MLPH: variants seen among roughly 807,000 people sequenced by gnomAD.
MLPH encodes the protein melanophilin.
MLPH carries 51 observed loss-of-function variants against 72.1 expected under a neutral mutation model. The ratio of observed to expected loss-of-function variants is 0.71; its 90% CI spans 0.56 to 0.89. The LOEUF is 0.89. MLPH is among the 40% of genes least tolerant of loss of function. The probability of loss-of-function intolerance (pLI) is 0.00; values close to 1 mark genes in which losing one functional copy is unlikely to be tolerated. For missense variants in MLPH, 743 were observed against 759.9 expected, an observed-to-expected ratio of 0.98 and a Z score of 0.26; for synonymous variants, 301 against 310.1, an observed-to-expected ratio of 0.97 and a Z score of 0.31.
intron 12 of MLPH, chr2:237,545,804 G>A: frequency 3.5e-6 from 1 of 289,798 alleles, no homozygotes; most frequent in Non-Finnish European, 5.8e-6. Flanking sequence ...CTAAATTTCA[G>A]ATCAACAACT....
chr2:237,548,739 C>T (rs953348080), intron 13 of MLPH, among the ~76,000 whole-genome samples: 18 of 152,150 alleles, frequency 1.2e-4, no homozygotes, highest in African/African-American at 3.6e-4. Flanking sequence ...ATTAGCCGGG[C>T]GTGGTGGCGG....
intron 4 of MLPH, 104 bp downstream of exon 4, chr2:237,511,205 C>CAT: frequency 1.2e-6 from 1 of 855,186 alleles, no homozygotes; most frequent in East Asian, 2.5e-5. Flanking sequence ...TGTGTGTGTG[C>CAT]ATGTGTGTGT....
chr2:237,493,533 T>C lies in MLPH; in HGVS notation c.107T>C (p.Leu36Pro). The C allele has an allele frequency of 1.2e-6, 2 of 1,612,488 alleles. No individual in the cohort carries two copies. The highest frequency in any genetic ancestry group is 1.7e-6 in the Non-Finnish European group (2 of 1,178,704). Residue 36 changes from leucine to proline, a missense_variant, in exon 2 of 16, where the codon CTA becomes CCA. Transcript: ENST00000264605. Reference protein sequence around the residue: ...FDLRRKEEERLEALKGKIKKE... With the variant: ...FDLRRKEEERPEALKGKIKKE... ...CTCCGAAGGAAAGAAGAGGAACGGC[T>C]AGAGTGAGTGTGCCGTGCTGAGCCC...
intron 12 of MLPH, among the ~76,000 whole-genome samples, chr2:237,546,120 T>C (rs899804646): frequency 6.6e-6 from 1 of 152,158 alleles, no homozygotes; most frequent in African/African-American, 2.4e-5. Flanking sequence ...GGCTTCCTGG[T>C]TGTAGTAGAT....
chr2:237,496,579 T>C (rs1431351474), intron 2 of MLPH, among the ~76,000 whole-genome samples: 3 of 152,258 alleles, frequency 2.0e-5, no homozygotes, highest in African/African-American at 7.2e-5. Context: ...ATATGGGTTC[T>C]GATGACCCTG....
intron 6 of MLPH, among the ~76,000 whole-genome samples, chr2:237,521,294 G>A (rs75234700): frequency 0.017 from 2,582 of 152,220 alleles, 45 homozygotes; most frequent in South Asian, 0.067. Context: ...ATGGGCTTGC[G>A]GTATCCATGA....
rs1402001509 is a variant in MLPH, at chr2:237,518,664, C to G, written c.555+16C>G. ...TGGCAGCAAAGTAAGTCATCTCCAG[C>G]CACCCCCTCCTCAGCCACCTCGATT... On this transcript the variant is annotated intron_variant, in intron 5 of 15. Transcript: ENST00000264605. The G allele has an allele frequency of 1.3e-6, 2 of 1,591,718 alleles. No homozygotes were observed. Among genetic ancestry groups the G allele is most frequent in the Admixed American group, 3.4e-5 (2 of 59,254 alleles).
At chr2:237,532,467 C>T (rs1323991556) in intron 8 of MLPH, among the ~76,000 whole-genome samples, 2 of 152,216 alleles carry the variant, frequency 1.3e-5, no homozygotes. Context: ...GCACCCTCCG[C>T]CCCCTCACTC....
chr2:237,539,250 G>A (rs1044414864), intron 9 of MLPH, among the ~76,000 whole-genome samples: 4 of 152,228 alleles, frequency 2.6e-5, no homozygotes, highest in Non-Finnish European at 2.9e-5. Context: ...CAGCAGGGCC[G>A]GCTGGGAGAA....
intron 8 of MLPH, among the ~76,000 whole-genome samples, chr2:237,534,096 T>G (rs2080482233): frequency 6.6e-6 from 1 of 152,236 alleles, no homozygotes; most frequent in African/African-American, 2.4e-5. Context: ...GAAGTTGTAC[T>G]TCTGGTCCCT....
intron 2 of MLPH, among the ~76,000 whole-genome samples, chr2:237,500,813 C>A (rs995865700): frequency 1.3e-5 from 2 of 152,094 alleles, no homozygotes; most frequent in Non-Finnish European, 2.9e-5. Flanking sequence ...GTGGCTCAAC[C>A]AATACAGCCA....
chr2:237,545,410 G>C, intron 12 of MLPH: 1 of 1,269,110 alleles, frequency 7.9e-7, no homozygotes, highest in Non-Finnish European at 1.0e-6. Flanking sequence ...CTGTGCCTTT[G>C]TTGGGGTTCA....
In MLPH at chr2:237,541,761, T is replaced by G. The variant is rs763616121; in HGVS notation, c.1446+804T>G. On this transcript the variant is annotated intron_variant, in intron 11 of 15. Transcript: ENST00000264605. This position sits in a 1 kb window ranked among gnomAD's most constrained non-coding sequence, Gnocchi z 5.1. ...GCCCCAGCCTTCCTGGAGCTTGTTT[T>G]TAGTGGAAGGAGATAAACAGCAAAC... Among the ~76,000 whole-genome samples, 2 of 152,228 alleles carry G rather than the reference T, an allele frequency of 1.3e-5. No individual in the cohort carries two copies. The highest frequency in any genetic ancestry group is 2.9e-5 in the Non-Finnish European group (2 of 68,038).
At chr2:237,549,535 T>C (rs2080990858) in intron 14 of MLPH, among the ~76,000 whole-genome samples, 1 of 152,158 alleles carries the variant, frequency 6.6e-6, no homozygotes, top group South Asian at 2.1e-4. Flanking sequence ...GTGGTTTCCA[T>C]GGTTTTCTAC....
chr2:237,493,546 C>A lies in MLPH; in HGVS notation c.110+10C>A. ...AAGAGGAACGGCTAGAGTGAGTGTGCCGTGCTGAGCCCACGGAGCCCGGGG... is the reference window on the plus strand; with the variant it reads ...AAGAGGAACGGCTAGAGTGAGTGTGACGTGCTGAGCCCACGGAGCCCGGGG... On this transcript the variant is annotated intron_variant, in intron 2 of 15. Transcript: ENST00000264605. 1 of 1,604,814 alleles carries A rather than the reference C, an allele frequency of 6.2e-7. No individual in the cohort carries two copies. Among genetic ancestry groups the A allele is most frequent in the Non-Finnish European group, 8.5e-7 (1 of 1,171,940 alleles).
intron 1 of MLPH, among the ~76,000 whole-genome samples, chr2:237,487,773 C>A (rs1465255520): frequency 6.6e-6 from 1 of 152,296 alleles, no homozygotes; most frequent in East Asian, 1.9e-4. Flanking sequence ...GCAGACTGGG[C>A]CAAGGCTGCT....
rs1194753478 is a variant in MLPH, at chr2:237,540,843, C to A, written c.1332C>A (p.Ser444Arg). The change falls in exon 11 of 16, where the codon AGC (serine) becomes AGA (arginine). Residue 444 changes from serine (S) to arginine (R), a missense_variant. Physicochemically the swap from Ser to Arg is moderately radical, Grantham distance 110. Transcript: ENST00000264605. ...ATCAAACCAACAGACAGGAAAAAAGCCCCCAGGACCCTGGGGACCCCGTCC... is the reference window on the plus strand; with the variant it reads ...ATCAAACCAACAGACAGGAAAAAAGACCCCAGGACCCTGGGGACCCCGTCC... ...AAHQTNRQEK[S>R]PQDPGDPVQY... is the part of the protein sequence containing the mutation. The A allele has an allele frequency of 3.7e-6, 6 of 1,613,144 alleles. No homozygotes were observed. The African/African-American group carries it at 8.0e-5, about 22-fold the overall frequency.
At chr2:237,543,426 G>GC (rs767180452) in intron 12 of MLPH, among the ~76,000 whole-genome samples, 9 of 21,802 alleles carry the variant, frequency 4.1e-4, no homozygotes, top group African/African-American at 1.0e-3. Flanking sequence ...GTGAGTGGGG[G>GC]ACAGTGGTGA....
intron 2 of MLPH, among the ~76,000 whole-genome samples, chr2:237,503,600 C>T (rs182707183): frequency 1.3e-3 from 202 of 152,310 alleles, no homozygotes; most frequent in Non-Finnish European, 2.4e-3. Flanking sequence ...CCCCTGGATC[C>T]TGTGACTCAC....
Sources: gnomAD v4.1 joint callset for allele counts (sites outside exome capture counted in the v4.1 genomes callset) on GRCh38, gnomAD v4.1.1 for gene constraint, Gnocchi (gnomAD v3.1) non-coding constraint, MANE v1.5 for transcripts, NCBI Gene and HGNC (gene_info 2026-07-23, HGNC 2026-07-21) for gene names.